The following ABHD13 variants were observed in gnomAD, a reference collection of about 807,000 sequenced individuals.
ABHD13 encodes abhydrolase domain containing 13, also known as protein ABHD13.
A neutral mutation model predicts 25.2 loss-of-function variants in ABHD13; 7 were observed. That is an observed-to-expected ratio of 0.28 (90% CI 0.16 to 0.52). The LOEUF (loss-of-function observed/expected upper bound fraction) is 0.52. ABHD13 is among the 20% of genes least tolerant of loss of function. The pLI is 0.96. For synonymous variants in ABHD13, 133 were observed against 136.1 expected, an observed-to-expected ratio of 0.98 and a Z score of 0.16; for missense variants, 302 against 402.7, an observed-to-expected ratio of 0.75 and a Z score of 2.14.
At chr13:108,220,343 C>T (rs555924725) in intron 1 of ABHD13, among the ~76,000 whole-genome samples, 2 of 152,334 alleles carry the variant, frequency 1.3e-5, no homozygotes, top group South Asian at 4.1e-4. Flanking sequence ...ACCAAATTGC[C>T]CTGGGCTAAC....
At position 108,232,573 on chromosome 13, in the gene ABHD13, C is replaced by T. The variant is rs761250667; in HGVS notation, c.*2341C>T. 6 of 166,852 alleles carry T rather than the reference C, an allele frequency of 3.6e-5. No individual in the cohort carries two copies. The highest frequency in any genetic ancestry group is 5.9e-5 in the Non-Finnish European group (4 of 68,028). 10.3% of individuals were successfully genotyped at this position (166,852 alleles called of 1,614,324 possible). ...GACTTCTTCAGGAGTCACTCCTTTA[C>T]TGTGGACCCATTGCTTAGTGGGAAT... On this transcript the variant is annotated 3_prime_UTR_variant, in exon 2 of 2. Transcript: ENST00000375898.
chr13:108,229,109 T>C lies in ABHD13; in HGVS notation c.-20-90T>C, dbSNP rs41308572. ...CCTATTACCATATTTAACAATTACATGTGGCCTAGTACCATAGTTTATTAT... is the reference window on the plus strand; with the variant it reads ...CCTATTACCATATTTAACAATTACACGTGGCCTAGTACCATAGTTTATTAT... On this transcript the variant is annotated intron_variant, in intron 1 of 1. Transcript: ENST00000375898. The surrounding 1 kb of genome is among the most constrained non-coding windows in gnomAD (Gnocchi z 4.7). 3,756 of 939,384 alleles carry C rather than the reference T, an allele frequency of 4.0e-3. 14 individuals are homozygous for C. Among genetic ancestry groups the C allele is most frequent in the South Asian group, 0.011 (514 of 47,858 alleles). 58.2% of individuals were successfully genotyped at this position (939,384 alleles called of 1,614,324 possible).
chr13:108,229,300 A>G lies in ABHD13; in HGVS notation c.82A>G (p.Ile28Val). 1 of 1,610,568 alleles carries G rather than the reference A, an allele frequency of 6.2e-7. No individual in the cohort carries two copies. The highest frequency in any genetic ancestry group is 2.2e-5 in the East Asian group (1 of 44,860). The change falls in exon 2 of 2, where the codon ATT (isoleucine) becomes GTT (valine). Residue 28 changes from isoleucine (I) to valine (V), a missense_variant. Ile to Val is a conservative substitution (Grantham distance 29). Coordinates refer to ENST00000375898, the MANE Select transcript of ABHD13 (RefSeq NM_032859.3). This position sits in a 1 kb window ranked among gnomAD's most constrained non-coding sequence, Gnocchi z 4.7. Reference sequence around the variant, plus strand: ...TTCATGGTCTTGGGCTCTCTGCCGTATTTCTCTTTTACCTTTAATAGTGAC... The same window carrying G: ...TTCATGGTCTTGGGCTCTCTGCCGTGTTTCTCTTTTACCTTTAATAGTGAC... The part of the protein sequence containing the change: ...LASWSWALCR[I>V]SLLPLIVTFH...
intron 1 of ABHD13, among the ~76,000 whole-genome samples, chr13:108,226,829 A>G (rs569101120): frequency 6.6e-6 from 1 of 152,218 alleles, no homozygotes; most frequent in African/African-American, 2.4e-5. Context: ...CTTTAAGATC[A>G]CCTTTGAGAT....
chr13:108,229,230 C>G lies in ABHD13; in HGVS notation c.12C>G (p.Ser4=). 1 of 1,553,232 alleles carries G rather than the reference C, an allele frequency of 6.4e-7. No individual in the cohort carries two copies. Among genetic ancestry groups the G allele is most frequent in the Non-Finnish European group, 8.6e-7 (1 of 1,157,126 alleles). The part of the protein sequence containing the change: MEK[S]WMLWNFVERW... ...TACAGAGAGCTACAATGGAAAAGTC[C>G]TGGATGCTGTGGAACTTTGTTGAAA... The change falls in exon 2 of 2, where the codon TCC becomes TCG. Residue 4 remains serine (S), a synonymous_variant. Coordinates refer to ENST00000375898, the MANE Select transcript of ABHD13 (RefSeq NM_032859.3). The surrounding 1 kb of genome is among the most constrained non-coding windows in gnomAD (Gnocchi z 4.7).
At chr13:108,219,331 C>CA (rs1879490517) in intron 1 of ABHD13, among the ~76,000 whole-genome samples, 2 of 151,442 alleles carry the variant, frequency 1.3e-5, no homozygotes, top group South Asian at 2.1e-4. Context: ...GTATCGAAAC[C>CA]AAAAAAAAGT....
In ABHD13 at chr13:108,232,848, T is replaced by A. The variant is rs1879837118; in HGVS notation, c.*2616T>A. 1 of 166,672 alleles carries A rather than the reference T, an allele frequency of 6.0e-6. No individual in the cohort carries two copies. The highest frequency in any genetic ancestry group is 2.4e-5 in the African/African-American group (1 of 41,352). 10.3% of individuals were successfully genotyped at this position (166,672 alleles called of 1,614,324 possible). The stretch of plus-strand genomic sequence containing the variant: ...GGACCCTAAAAAGAATTCTGCAAAA[T>A]AAGAGAAGAAATAATTTGTGACAGG... On this transcript the variant is annotated 3_prime_UTR_variant, in exon 2 of 2. Coordinates refer to ENST00000375898, the MANE Select transcript of ABHD13 (RefSeq NM_032859.3).
chr13:108,228,529 TTTAAG>T (rs1277485426), intron 1 of ABHD13, among the ~76,000 whole-genome samples: 5 of 151,990 alleles, frequency 3.3e-5, no homozygotes, highest in African/African-American at 9.7e-5. Context: ...AAGCAAATTA[TTTAAG>T]TTTAGTATTA....
rs967091254 is a variant in ABHD13, at chr13:108,231,328, G to A, written c.*1096G>A. The A allele has an allele frequency of 6.0e-6, 1 of 166,664 alleles. No individual in the cohort carries two copies. The highest frequency in any genetic ancestry group is 1.5e-5 in the Non-Finnish European group (1 of 67,932). The allele number at this position is 166,664 out of a possible 1,614,324, so 10.3% of individuals were successfully genotyped here. On this transcript the variant is annotated 3_prime_UTR_variant, in exon 2 of 2. Coordinates refer to ENST00000375898, the MANE Select transcript of ABHD13 (RefSeq NM_032859.3). ...TTGGTTTTAATGTTCCAGTTGCTGT[G>A]AAATAGAACTCCTACAATCAAAAGA...
rs890775467 is a variant in ABHD13 at position 108,232,074 on chromosome 13, G to A, written c.*1842G>A. The A allele has an allele frequency of 1.2e-5, 2 of 166,070 alleles. No homozygotes were observed. The highest frequency in any genetic ancestry group is 1.9e-4 in the East Asian group (1 of 5,194). 10.3% of individuals were successfully genotyped at this position (166,070 alleles called of 1,614,324 possible). A position where few individuals can be genotyped will look rare whatever the true frequency, so the allele number is the denominator to read the frequency against. The stretch of plus-strand genomic sequence containing the variant: ...GTATATTTAGACACGAGCTTACATG[G>A]CATACCTTATATTTGTATCATTCTT... On this transcript the variant is annotated 3_prime_UTR_variant, in exon 2 of 2. Coordinates refer to ENST00000375898, the MANE Select transcript of ABHD13 (RefSeq NM_032859.3).
intron 1 of ABHD13, among the ~76,000 whole-genome samples, chr13:108,224,767 A>G (rs1405598589): frequency 6.6e-6 from 1 of 152,198 alleles, no homozygotes; most frequent in Non-Finnish European, 1.5e-5. Context: ...AGGGAGCACT[A>G]GAGGTGACTA....
At chr13:108,219,885 G>A (rs1387476861) in intron 1 of ABHD13, among the ~76,000 whole-genome samples, 2 of 152,160 alleles carry the variant, frequency 1.3e-5, no homozygotes, top group Non-Finnish European at 2.9e-5. Context: ...GCATTGCTCT[G>A]ATTACTTCCT....
intron 1 of ABHD13, among the ~76,000 whole-genome samples, chr13:108,219,124 C>T (rs893953026): frequency 6.6e-5 from 10 of 151,990 alleles, no homozygotes; most frequent in African/African-American, 2.4e-4. Flanking sequence ...TAGAATAATT[C>T]CAGCTACTAG....
At chr13:108,227,165 C>T (rs1020114978) in intron 1 of ABHD13, among the ~76,000 whole-genome samples, 3 of 152,002 alleles carry the variant, frequency 2.0e-5, no homozygotes, top group Admixed American at 6.6e-5. Flanking sequence ...TTGTGGAAAA[C>T]GGTAAGTTTA....
rs547399452 is a variant in ABHD13, at chr13:108,230,031, T to C, written c.813T>C (p.Ile271=). 4.3e-6 allele frequency: 7 copies of C among 1,613,248 alleles called. No individual in the cohort carries two copies. The highest frequency in any genetic ancestry group is 1.6e-4 in the Middle Eastern group (1 of 6,062). ...TCTCTGGACTCTCAGATCAATTAATTCCACCAGTAATGATGAAACAACTTT... is the reference window on the plus strand; with the variant it reads ...TCTCTGGACTCTCAGATCAATTAATCCCACCAGTAATGATGAAACAACTTT... ...LFISGLSDQL[I]PPVMMKQLYE... is the part of the protein sequence containing the mutation. The change falls in exon 2 of 2, where the codon ATT becomes ATC. Residue 271 remains isoleucine (I), a synonymous_variant. Transcript: ENST00000375898.
intron 1 of ABHD13, among the ~76,000 whole-genome samples, chr13:108,223,922 A>G (rs1426162302): frequency 1.3e-5 from 2 of 152,208 alleles, no homozygotes; most frequent in Admixed American, 1.3e-4. Flanking sequence ...TCTGTGAATA[A>G]TCGTGCTAAA....
Position 108,228,323 on chromosome 13 carries a change from C to T in ABHD13, c.-20-876C>T, listed in dbSNP as rs1879716498. On this transcript the variant is annotated intron_variant, in intron 1 of 1. Coordinates refer to ENST00000375898, the MANE Select transcript of ABHD13 (RefSeq NM_032859.3). ...TTCTGTGTATTTGTTTCACACTGAA[C>T]CCTCAAGTATTTATTGCCTTATCAA... 2.0e-5 allele frequency among the ~76,000 whole-genome samples: 3 copies of T among 152,014 alleles called. No individual in the cohort carries two copies. The South Asian group carries it at 6.2e-4, about 32-fold the overall frequency.
chr13:108,220,749 A>G (rs1282610705), intron 1 of ABHD13, among the ~76,000 whole-genome samples: 1 of 152,224 alleles, frequency 6.6e-6, no homozygotes, highest in Admixed American at 6.5e-5. Flanking sequence ...GAATCTAGAT[A>G]CTTCTAGTAA....
At position 108,229,448 on chromosome 13, in the gene ABHD13, A is replaced by G. The variant is rs774381481; in HGVS notation, c.230A>G (p.Tyr77Cys). 1.2e-6 allele frequency: 2 copies of G among 1,613,366 alleles called. No individual in the cohort carries two copies. The highest frequency in any genetic ancestry group is 2.2e-5 in the South Asian group (2 of 91,030). ...GAACAGCCATCCTCTTCACGTCTTT[A>G]TGTTCCCATGCCCACTGGCATTCCA... ...FPEQPSSSRL[Y>C]VPMPTGIPHE... Residue 77 changes from tyrosine (Y) to cysteine (C), a missense_variant, in exon 2 of 2, where the codon TAT becomes TGT. Physicochemically the swap from Tyr to Cys is radical, Grantham distance 194. Coordinates refer to ENST00000375898, the MANE Select transcript of ABHD13 (RefSeq NM_032859.3). This position sits in a 1 kb window ranked among gnomAD's most constrained non-coding sequence, Gnocchi z 4.7.
Sources: allele counts gnomAD v4.1 joint callset (sites outside exome capture counted in the v4.1 genomes callset), GRCh38; gene constraint gnomAD v4.1.1; non-coding constraint Gnocchi (gnomAD v3.1); transcripts MANE v1.5; gene names NCBI Gene and HGNC (gene_info 2026-07-23, HGNC 2026-07-21).